MYH7B: variants seen among roughly 807,000 people sequenced by gnomAD.
The protein encoded by MYH7B is myosin heavy chain 7B.
In MYH7B, 205 loss-of-function variants were observed where a neutral mutation model predicts 234.5. The observed-to-expected ratio is 0.87, with a 90% CI of 0.78 to 0.98. The LOEUF (loss-of-function observed/expected upper bound fraction) is 0.98, where lower values mean the gene tolerates loss of function less well. Ranked by LOEUF, MYH7B falls within the 50% of genes least tolerant of loss-of-function variation. The pLI is 0.00. For missense variants in MYH7B, 2,652 were observed against 2,633.4 expected, an observed-to-expected ratio of 1.01 and a Z score of -0.15; for synonymous variants, 1,193 against 1,105.0, an observed-to-expected ratio of 1.08 and a Z score of -1.58.
intron 22 of MYH7B, 37 bp from the exon 23 acceptor site, chr20:34,990,701 C>G: frequency 6.3e-7 from 1 of 1,599,562 alleles, no homozygotes; most frequent in Non-Finnish European, 8.6e-7. Flanking sequence ...GTTCTCTGCC[C>G]CCTTTGTGCC....
intron 2 of MYH7B, among the ~76,000 whole-genome samples, chr20:34,959,096 A>G (rs375102578): frequency 3.2e-4 from 49 of 152,348 alleles, no homozygotes; most frequent in Middle Eastern, 6.8e-3. Flanking sequence ...ATAAGAAACC[A>G]TGCTAAGTCA....
At chr20:34,969,549 T>TC (rs2081773787) in intron 2 of MYH7B, among the ~76,000 whole-genome samples, 2 of 147,480 alleles carry the variant, frequency 1.4e-5, no homozygotes, top group African/African-American at 5.0e-5. Flanking sequence ...CCTTTTTTTT[T>TC]TTTTTTTTTT....
intron 2 of MYH7B, among the ~76,000 whole-genome samples, chr20:34,974,874 C>G (rs1158512889): frequency 1.3e-5 from 2 of 152,154 alleles, no homozygotes; most frequent in Non-Finnish European, 2.9e-5. Context: ...GGACACAGAC[C>G]AAGCTCCTGC....
rs146983692 is a variant in MYH7B, at chr20:34,990,702, C to T, written c.1978-36C>T. The T allele has an allele frequency of 1.5e-4, 239 of 1,602,048 alleles. No homozygotes were observed. In the African/African-American group the frequency reaches 2.9e-3, roughly 19 times the overall value. ...GGCATCCAATTCTGGTTCTCTGCCCCCTTTGTGCCTTTCCCTCACTCTTCC... is the reference window on the plus strand; with the variant it reads ...GGCATCCAATTCTGGTTCTCTGCCCTCTTTGTGCCTTTCCCTCACTCTTCC... On this transcript the variant is annotated intron_variant, in intron 22 of 44. Transcript: ENST00000262873.
In MYH7B at chr20:34,979,451, G is replaced by A. The variant is rs776859328; in HGVS notation, c.153G>A (p.Ser51=). The A allele has an allele frequency of 7.8e-5, 126 of 1,613,842 alleles. No individual in the cohort carries two copies. In the East Asian group the frequency reaches 2.6e-3, roughly 33 times the overall value. Residue 51 remains serine (S), a synonymous_variant, in exon 6 of 45, where the codon TCG becomes TCA. Transcript: ENST00000262873. ...CCTACGTGGAGGCCGAGGTCAAGTC[G>A]GAGGCTACCGGGGGCAGAGTCACCG... is the stretch of plus-strand genomic sequence containing the variant.
At chr20:34,987,076 C>A in intron 15 of MYH7B, 73 bp from the exon 16 acceptor site, 1 of 1,609,618 alleles carries the variant, frequency 6.2e-7, no homozygotes, top group Non-Finnish European at 8.5e-7. Context: ...CATGAATGGT[C>A]CCGGGGCAGT....
Position 34,990,267 on chromosome 20 carries a change from G to GT in MYH7B, c.1935dup (p.Lys646Ter), listed in dbSNP as rs760315295. On this transcript the variant is annotated frameshift_variant, in exon 22 of 45. Transcript: ENST00000262873. LOFTEE classifies it high-confidence loss of function. ...CCCAAGTCTGGGGTGAAAGAGAAGC[G>GT]TAAGAAGGCAGCATCGTTCCAGACG... 1.2e-6 allele frequency: 2 copies of GT among 1,614,180 alleles called. No homozygotes were observed. The highest frequency in any genetic ancestry group is 1.1e-5 in the South Asian group (1 of 91,080).
At chr20:34,975,319 C>G (rs2081837966) in intron 2 of MYH7B, 81 bp from the exon 3 acceptor site, 1 of 502,156 alleles carries the variant, frequency 2.0e-6, no homozygotes, top group Non-Finnish European at 3.6e-6. Context: ...GTCCTCCCAC[C>G]TCAGCCTCCT....
chr20:34,974,707 T>C (rs1376132678), intron 2 of MYH7B, among the ~76,000 whole-genome samples: 1 of 152,238 alleles, frequency 6.6e-6, no homozygotes, highest in East Asian at 1.9e-4. Flanking sequence ...AAAGAATTTT[T>C]CCCACTTTCT....
At position 35,001,928 on chromosome 20, in the gene MYH7B, G is replaced by A. The variant is rs2147251423; in HGVS notation, c.5677-20G>A. The A allele has an allele frequency of 1.9e-6, 3 of 1,608,322 alleles. No homozygotes were observed. Among genetic ancestry groups the A allele is most frequent in the East Asian group, 2.2e-5 (1 of 44,804 alleles). ...ATCTCAGTCACCCAAGCGGAACCAA[G>A]GCCCTGTGTGTGCCCCCAGGAGCAG... On this transcript the variant is annotated intron_variant, in intron 43 of 44. Transcript: ENST00000262873.
At chr20:34,997,515 G>T in exon 32 of MYH7B, 2 of 1,598,828 alleles carry the variant, frequency 1.3e-6, no homozygotes, top group Non-Finnish European at 1.7e-6. Flanking sequence ...GGAGGGCGCG[G>T]CGGAGCTGGG....
At chr20:34,978,668 A>G (rs1346332951) in intron 5 of MYH7B, among the ~76,000 whole-genome samples, 1 of 152,170 alleles carries the variant, frequency 6.6e-6, no homozygotes, top group East Asian at 1.9e-4. Flanking sequence ...CTAGCTTCAC[A>G]GGGCGCCAGG....
At chr20:34,979,282 GC>G in intron 5 of MYH7B, 107 bp from the exon 6 acceptor site, 1 of 811,832 alleles carries the variant, frequency 1.2e-6, no homozygotes, top group Non-Finnish European at 1.9e-6. Flanking sequence ...TGGCAGAGGG[GC>G]TTTGGGGAGG....
intron 19 of MYH7B, among the ~76,000 whole-genome samples, chr20:34,988,515 C>T (rs1394290587): frequency 2.0e-5 from 3 of 152,080 alleles, no homozygotes; most frequent in Non-Finnish European, 4.4e-5. Context: ...AGTGTGAATG[C>T]ATGCATCCCA....
Position 35,002,123 on chromosome 20 carries a change from G to C in MYH7B, c.5814+38G>C, listed in dbSNP as rs370736251. ...AGGGGCATTGCTCTCTGTGCAGGGG[G>C]ACTGTGGGGGCTGACAGGTAGTACT... On this transcript the variant is annotated intron_variant, in intron 44 of 44. Coordinates refer to ENST00000262873, the Ensembl canonical transcript of MYH7B. 24 of 1,609,726 alleles carry C rather than the reference G, an allele frequency of 1.5e-5. No individual in the cohort carries two copies. In the African/African-American group the frequency reaches 3.1e-4, roughly 21 times the overall value.
At chr20:35,002,217 A>T in exon 45 of MYH7B, 1 of 1,509,054 alleles carries the variant, frequency 6.6e-7, no homozygotes, top group Non-Finnish European at 8.8e-7. Context: ...TCTAAAGAGG[A>T]ATGTCTGCTG....
intron 13 of MYH7B, among the ~76,000 whole-genome samples, chr20:34,985,772 C>CA (rs1033428028): frequency 5.3e-5 from 8 of 152,248 alleles, no homozygotes; most frequent in Non-Finnish European, 1.2e-4. Context: ...CAGACACACA[C>CA]AGACACACAC....
exon 42 of MYH7B, chr20:35,001,253 G>C: frequency 6.2e-7 from 1 of 1,610,846 alleles, no homozygotes. Flanking sequence ...AGGTACGGGA[G>C]CTGGAGGCTG....
At chr20:35,001,338 C>T in exon 42 of MYH7B, 1 of 1,609,378 alleles carries the variant, frequency 6.2e-7, no homozygotes, top group Non-Finnish European at 8.5e-7. Flanking sequence ...TGTCAAGGAG[C>T]TCGCATACCA....
Sources: allele counts gnomAD v4.1 joint callset (sites outside exome capture counted in the v4.1 genomes callset), GRCh38; gene constraint gnomAD v4.1.1; transcripts MANE v1.5; gene names NCBI Gene and HGNC (gene_info 2026-07-23, HGNC 2026-07-21).